PTGFR: variants seen among roughly 807,000 people sequenced by gnomAD.
PTGFR encodes prostaglandin F receptor.
A neutral mutation model predicts 26.2 loss-of-function variants in PTGFR; 15 were observed. That is an observed-to-expected ratio of 0.57 (90% CI 0.38 to 0.88). The LOEUF is 0.88. Ranked by LOEUF, PTGFR falls within the 40% of genes least tolerant of loss-of-function variation. The pLI, the probability that PTGFR is intolerant of heterozygous loss-of-function variation, is 0.00. For missense variants in PTGFR, 369 were observed against 427.2 expected (o/e 0.86, Z 1.20); for synonymous variants, 165 against 151.1 (o/e 1.09, Z -0.68).
intron 2 of PTGFR, among the ~76,000 whole-genome samples, chr1:78,496,095 C>T (rs1649541462): frequency 6.6e-6 from 1 of 152,120 alleles, no homozygotes; most frequent in Admixed American, 6.5e-5. Flanking sequence ...GTTGAGTCTT[C>T]ATGAAAATTT....
At chr1:78,498,377 T>C (rs766452018) in intron 2 of PTGFR, among the ~76,000 whole-genome samples, 15 of 152,206 alleles carry the variant, frequency 9.9e-5, no homozygotes, top group Non-Finnish European at 1.9e-4. Context: ...AAATTGCACA[T>C]GTACAATATA....
At chr1:78,514,188 G>C (rs1489122607) in intron 2 of PTGFR, among the ~76,000 whole-genome samples, 2 of 152,170 alleles carry the variant, frequency 1.3e-5, no homozygotes, top group Admixed American at 6.5e-5. Flanking sequence ...TACAGCCACT[G>C]TTTGCTTGCA....
At chr1:78,501,722 T>G (rs1037626723) in intron 2 of PTGFR, among the ~76,000 whole-genome samples, 2 of 152,154 alleles carry the variant, frequency 1.3e-5, no homozygotes, top group African/African-American at 4.8e-5. Flanking sequence ...TTGAGAATAG[T>G]GTAGTTATTC....
chr1:78,494,781 T>A (rs960911626), intron 2 of PTGFR, among the ~76,000 whole-genome samples: 5 of 152,138 alleles, frequency 3.3e-5, no homozygotes, highest in African/African-American at 1.2e-4. Context: ...AATTTTTGTA[T>A]TTTTAGTAGA....
chr1:78,528,783 G>A (rs186994975), intron 2 of PTGFR, among the ~76,000 whole-genome samples: 204 of 151,974 alleles, frequency 1.3e-3, no homozygotes, highest in Non-Finnish European at 2.1e-3. Flanking sequence ...ACCAACAAAT[G>A]CATTTTAATA....
chr1:78,502,636 A>G (rs1254887894), intron 2 of PTGFR, among the ~76,000 whole-genome samples: 1 of 152,136 alleles, frequency 6.6e-6, no homozygotes, highest in Non-Finnish European at 1.5e-5. Flanking sequence ...CAATGAGATG[A>G]TCAAAGACAC....
intron 2 of PTGFR, among the ~76,000 whole-genome samples, chr1:78,524,906 A>ATTTTTTT (rs35641651): frequency 3.7e-3 from 261 of 70,480 alleles, no homozygotes; most frequent in Non-Finnish European, 5.3e-3. Flanking sequence ...CAAATGCAAG[A>ATTTTTTT]TTTTTTTTTT....
At position 78,493,059 on chromosome 1, in the gene PTGFR, G is replaced by A. The variant is rs749974467; in HGVS notation, c.316G>A (p.Val106Ile). Residue 106 changes from valine to isoleucine, a missense_variant, in exon 2 of 3, where the codon GTC becomes ATC. By Grantham distance (29) the Val-to-Ile change is conservative. Transcript: ENST00000370757. ...KEWIRFDQSNVLCSIFGICMV... is the reference protein window; with the variant it reads ...KEWIRFDQSNILCSIFGICMV... ...ATGGATCCGCTTTGACCAATCAAAT[G>A]TCCTTTGCAGTATTTTTGGTATCTG... The A allele has an allele frequency of 3.7e-6, 6 of 1,614,210 alleles. No homozygotes were observed. The Admixed American group carries it at 1.0e-4, about 27-fold the overall frequency.
intron 2 of PTGFR, among the ~76,000 whole-genome samples, chr1:78,511,918 G>T (rs541972565): frequency 6.6e-6 from 1 of 152,192 alleles, no homozygotes; most frequent in South Asian, 2.1e-4. Flanking sequence ...AGATATCCCA[G>T]GTCATTACTC....
At chr1:78,513,808 A>T (rs1343642843) in intron 2 of PTGFR, among the ~76,000 whole-genome samples, 1 of 152,004 alleles carries the variant, frequency 6.6e-6, no homozygotes, top group Non-Finnish European at 1.5e-5. Flanking sequence ...ACAGCCTTGC[A>T]ATGCTGTTTC....
chr1:78,536,313 T>C, intron 2 of PTGFR, 93 bp from the exon 3 acceptor site: 1 of 1,253,348 alleles, frequency 8.0e-7, no homozygotes, highest in South Asian at 1.5e-5. Flanking sequence ...CTGTGGAAAG[T>C]GAAATGAATG....
chr1:78,534,520 T>A (rs989893210), intron 2 of PTGFR, among the ~76,000 whole-genome samples: 4 of 152,088 alleles, frequency 2.6e-5, no homozygotes, highest in Non-Finnish European at 5.9e-5. Flanking sequence ...CACAAATTTC[T>A]TAGGGGAAAA....
In PTGFR at chr1:78,518,567, GACACACACACACACAC is replaced by G. The variant is rs57447321; in HGVS notation, c.799-17801_799-17786del. 3.9e-3 allele frequency among the ~76,000 whole-genome samples: 533 copies of G among 137,954 alleles called. 2 individuals are homozygous for G. The highest frequency in any genetic ancestry group is 8.4e-3 in the African/African-American group (314 of 37,200). 90.5% of individuals were successfully genotyped at this position (137,954 alleles called of 152,430 possible). ...CAGCATTTGTCATTACAGTATAAAA[GACACACACACACACAC>G]ACACACACACACACACACACACACA... is the stretch of plus-strand genomic sequence containing the variant. On this transcript the variant is annotated intron_variant, in intron 2 of 2. Transcript: ENST00000370757.
At chr1:78,520,716 A>G (rs1650202318) in intron 2 of PTGFR, among the ~76,000 whole-genome samples, 2 of 152,082 alleles carry the variant, frequency 1.3e-5, no homozygotes. Flanking sequence ...TTTATTGCTT[A>G]TCTTGAATGT....
chr1:78,515,004 C>T (rs953256157), intron 2 of PTGFR, among the ~76,000 whole-genome samples: 3 of 152,034 alleles, frequency 2.0e-5, no homozygotes, highest in Non-Finnish European at 4.4e-5. Flanking sequence ...AAACGGTGAG[C>T]CAACTAAACC....
At chr1:78,514,647 G>A (rs896268799) in intron 2 of PTGFR, among the ~76,000 whole-genome samples, 1 of 152,112 alleles carries the variant, frequency 6.6e-6, no homozygotes, top group Non-Finnish European at 1.5e-5. Flanking sequence ...CATAAGATTT[G>A]GGGCCTAGGG....
At chr1:78,532,414 ATATG>A (rs1650536943) in intron 2 of PTGFR, 1 of 119,372 alleles carries the variant, frequency 8.4e-6, no homozygotes, top group South Asian at 2.7e-4. Context: ...ATGTGTATAT[ATATG>A]TGTGTATATA....
intron 2 of PTGFR, among the ~76,000 whole-genome samples, chr1:78,512,859 G>A (rs920049843): frequency 6.6e-6 from 1 of 152,072 alleles, no homozygotes; most frequent in Non-Finnish European, 1.5e-5. Flanking sequence ...TATCTGGCAT[G>A]ATATCTGGTT....
chr1:78,526,819 G>A (rs1650384937), intron 2 of PTGFR, among the ~76,000 whole-genome samples: 1 of 152,002 alleles, frequency 6.6e-6, no homozygotes, highest in Non-Finnish European at 1.5e-5. Context: ...TCAAAGATGG[G>A]CTACAGTCAC....
Sources: allele counts gnomAD v4.1 joint callset (sites outside exome capture counted in the v4.1 genomes callset), GRCh38; gene constraint gnomAD v4.1.1; transcripts MANE v1.5; gene names NCBI Gene and HGNC (gene_info 2026-07-23, HGNC 2026-07-21).